Variants in CHD1L observed in about 807,000 individuals in gnomAD.
CHD1L encodes chromodomain helicase DNA binding protein 1 like.
Under a neutral mutation model 115.9 loss-of-function variants are expected in CHD1L, and 118 were observed. The observed-to-expected ratio is 1.02, with a 90% CI of 0.88 to 1.19. The LOEUF is 1.19. Ranked by LOEUF, CHD1L falls within the 50% of genes most tolerant of loss-of-function variation. The pLI, the probability that CHD1L is intolerant of heterozygous loss-of-function variation, is 0.00. For missense variants in CHD1L, 1,179 were observed against 1,065.3 expected, an observed-to-expected ratio of 1.11 and a Z score of -1.49; for synonymous variants, 411 against 387.1, an observed-to-expected ratio of 1.06 and a Z score of -0.72.
the CHD1L span, among the ~76,000 whole-genome samples, chr1:147,191,914 C>G: frequency 6.6e-6 from 1 of 152,024 alleles, no homozygotes. Flanking sequence ...GTTACTGTAG[C>G]CTTGTAGTAT....
chr1:147,203,301 T>C, the CHD1L span: 2 of 1,596,182 alleles, frequency 1.3e-6, no homozygotes, highest in Non-Finnish European at 1.7e-6. Context: ...CATCCCAGTC[T>C]TTCTTCCCAC....
At chr1:147,224,937 G>A in the CHD1L span, 2 of 1,614,054 alleles carry the variant, frequency 1.2e-6, no homozygotes, top group Non-Finnish European at 1.7e-6. Context: ...TCCTTTCAAA[G>A]CAGACAGGTT....
the CHD1L span, among the ~76,000 whole-genome samples, chr1:147,195,819 A>G: frequency 6.6e-6 from 1 of 152,272 alleles, no homozygotes; most frequent in African/African-American, 2.4e-5. Context: ...CATTCTTTCT[A>G]CAAGTACTCT....
Position 147,294,528 on chromosome 1 carries a change from G to C in CHD1L, c.2615+11G>C. 6.3e-7 allele frequency: 1 copy of C among 1,598,344 alleles called. No individual in the cohort carries two copies. The highest frequency in any genetic ancestry group is 8.6e-7 in the Non-Finnish European group (1 of 1,168,962). Reference sequence around the variant, plus strand: ...CATCCCAACTTACATGTATCCTTTTGTGATCTTCATTGTGTGTTCTCCCAA... The same window carrying C: ...CATCCCAACTTACATGTATCCTTTTCTGATCTTCATTGTGTGTTCTCCCAA... On this transcript the variant is annotated intron_variant, in intron 22 of 22. Transcript: ENST00000369258.
the CHD1L span, among the ~76,000 whole-genome samples, chr1:147,206,958 A>G: frequency 2.0e-5 from 3 of 151,800 alleles, no homozygotes; most frequent in Non-Finnish European, 4.4e-5. Flanking sequence ...ATAAAAAGAG[A>G]GATTAAAGAG....
intron 19 of CHD1L, among the ~76,000 whole-genome samples, chr1:147,288,340 A>G (rs1424702857): frequency 7.3e-3 from 7 of 962 alleles, no homozygotes; most frequent in East Asian, 0.042. Flanking sequence ...AAAAAAAAAA[A>G]AAAAAAGAAA....
At chr1:147,224,764 C>G in the CHD1L span, 2 of 783,924 alleles carry the variant, frequency 2.6e-6, no homozygotes, top group Non-Finnish European at 4.2e-6. Flanking sequence ...CCCGCCTCGG[C>G]CTCCCAAAGT....
chr1:147,268,898 T>G lies in CHD1L; in HGVS notation c.1085+20T>G. ...TTCTGGGTAGGTGGTAGGTTCACAT[T>G]TGCTGCTCTGAGCTAATGACTGTTA... On this transcript the variant is annotated intron_variant, in intron 10 of 22. Transcript: ENST00000369258. 6.3e-7 allele frequency: 1 copy of G among 1,586,090 alleles called. No homozygotes were observed. The highest frequency in any genetic ancestry group is 8.7e-7 in the Non-Finnish European group (1 of 1,155,556).
In CHD1L at chr1:147,284,538, ACT is replaced by A. The variant is rs781953038; in HGVS notation, c.1854+43_1854+44del. 83 of 1,469,282 alleles carry A rather than the reference ACT, an allele frequency of 5.6e-5. 1 individual carries two copies. The African/African-American group carries it at 1.4e-3, about 25-fold the overall frequency. The allele number at this position is 1,469,282 out of a possible 1,614,324, so 91.0% of individuals were successfully genotyped here. A position where few individuals can be genotyped will look rare whatever the true frequency, so the allele number is the denominator to read the frequency against. On this transcript the variant is annotated intron_variant, in intron 16 of 22. Transcript: ENST00000369258. ...ATTTATTTAAAAGTTGTTCTTCCAA[ACT>A]CTCATTCTAAAACAAACAAAAAAAT...
At chr1:147,206,115 C>G in the CHD1L span, among the ~76,000 whole-genome samples, 1 of 150,514 alleles carries the variant, frequency 6.6e-6, no homozygotes, top group Non-Finnish European at 1.5e-5. Flanking sequence ...AGGATATGAA[C>G]AGACACTTCT....
upstream of CHD1L, among the ~76,000 whole-genome samples, chr1:147,241,464 T>C (rs921616882): frequency 6.6e-6 from 1 of 152,230 alleles, no homozygotes; most frequent in African/African-American, 2.4e-5. Flanking sequence ...ACCCAAATCT[T>C]ATAAAACGAC....
the CHD1L span, among the ~76,000 whole-genome samples, chr1:147,229,344 C>T: frequency 1.3e-5 from 2 of 152,138 alleles, no homozygotes; most frequent in Admixed American, 1.3e-4. Context: ...TTTCTGAGGG[C>T]TCTGTTCTGT....
intron 6 of CHD1L, among the ~76,000 whole-genome samples, chr1:147,261,852 G>A (rs1218540415): frequency 6.6e-6 from 1 of 152,032 alleles, no homozygotes; most frequent in African/African-American, 2.4e-5. Flanking sequence ...TGGGGAGGGG[G>A]ATACTGCCGT....
chr1:147,278,222 G>GTTTT (rs71083825), intron 14 of CHD1L, among the ~76,000 whole-genome samples: 4,014 of 91,124 alleles, frequency 0.044, 450 homozygotes, highest in African/African-American at 0.12. Context: ...TGTTTTTTGG[G>GTTTT]TTTTTTTTTT....
At chr1:147,267,303 T>C (rs1392944620) in intron 8 of CHD1L, 123 bp from the exon 9 acceptor site, 4 of 602,508 alleles carry the variant, frequency 6.6e-6, no homozygotes, top group South Asian at 4.8e-5. Flanking sequence ...TTTGGGAGGT[T>C]AGTATAGGTT....
Position 147,286,432 on chromosome 1 carries a change from A to G in CHD1L, c.2153A>G (p.Lys718Arg), listed in dbSNP as rs782656610. The change falls in exon 18 of 23, where the codon AAG becomes AGG. Residue 718 changes from lysine (K) to arginine (R), a missense_variant. Lys to Arg is a conservative substitution (Grantham distance 26). Coordinates refer to ENST00000369258, the MANE Select transcript of CHD1L (RefSeq NM_004284.6). ...DYQDPDATSL[K>R]YVSGDVTHPQ... ...CAAGACCCAGATGCTACTTCCCTCA[A>G]GTACGTTAGTGGTGATGTCACCCAC... 1.2e-6 allele frequency: 2 copies of G among 1,614,134 alleles called. No homozygotes were observed. Among genetic ancestry groups the G allele is most frequent in the South Asian group, 1.1e-5 (1 of 91,082 alleles).
the CHD1L span, among the ~76,000 whole-genome samples, chr1:147,190,917 A>G: frequency 6.6e-6 from 1 of 151,846 alleles, no homozygotes; most frequent in Admixed American, 6.5e-5. Flanking sequence ...CCCACCTATG[A>G]GTGAGAACAT....
chr1:147,291,685 C>G (rs1685594399), intron 20 of CHD1L, 133 bp downstream of exon 20: 1 of 695,320 alleles, frequency 1.4e-6, no homozygotes, highest in African/African-American at 1.8e-5. Context: ...AAGACACAGA[C>G]TAGGTAGCTT....
In CHD1L at chr1:147,287,637, G is replaced by T. The variant is rs782610593; in HGVS notation, c.2224G>T (p.Asp742Tyr). The T allele has an allele frequency of 5.6e-6, 9 of 1,612,664 alleles. No individual in the cohort carries two copies. The highest frequency in any genetic ancestry group is 3.3e-5 in the South Asian group (3 of 90,856). The change falls in exon 19 of 23, where the codon GAC becomes TAC. Residue 742 changes from aspartate (D) to tyrosine (Y), a missense_variant and splice_region_variant. Coordinates refer to ENST00000369258, the MANE Select transcript of CHD1L (RefSeq NM_004284.6). ...EDALIVHCVD[D>Y]SGHWGRGGLF... ...AAATTTTCTCTTTCTTCAAACAGAT[G>T]ACTCTGGCCACTGGGGCAGAGGTGG...
Sources: gnomAD v4.1 joint callset for allele counts (sites outside exome capture counted in the v4.1 genomes callset) on GRCh38, gnomAD v4.1.1 for gene constraint, MANE v1.5 for transcripts, NCBI Gene and HGNC (gene_info 2026-07-23, HGNC 2026-07-21) for gene names.